The following GSE1 variants were observed in gnomAD, a reference collection of about 807,000 sequenced individuals.
The protein encoded by GSE1 is Gse1 coiled-coil protein.
A neutral mutation model predicts 112.6 loss-of-function variants in GSE1; 32 were observed. That is an observed-to-expected ratio of 0.28 (90% CI 0.21 to 0.38). The LOEUF (loss-of-function observed/expected upper bound fraction) is 0.38. GSE1 is among the 10% of genes least tolerant of loss of function. The pLI is 1.00. For missense variants in GSE1, 2,348 were observed against 1,699.2 expected, an observed-to-expected ratio of 1.38 and a Z score of -6.71; for synonymous variants, 1,115 against 735.6, an observed-to-expected ratio of 1.52 and a Z score of -8.35.
At chr16:85,505,357 C>T (rs959187894) in intron 2 of GSE1, among the ~76,000 whole-genome samples, 3 of 152,226 alleles carry the variant, frequency 2.0e-5, no homozygotes, top group African/African-American at 7.2e-5. Flanking sequence ...GGAGGCCTTC[C>T]ACACATGCCC....
At chr16:85,275,254 C>G (rs1909241037) in intron 1 of GSE1, among the ~76,000 whole-genome samples, 1 of 152,214 alleles carries the variant, frequency 6.6e-6, no homozygotes, top group African/African-American at 2.4e-5. Context: ...CCTGCTAGGA[C>G]AGCCAGCCAG....
chr16:85,445,327 G>A (rs1384413839), intron 2 of GSE1, among the ~76,000 whole-genome samples: 1 of 152,198 alleles, frequency 6.6e-6, no homozygotes, highest in African/African-American at 2.4e-5. Flanking sequence ...CTGCTCCAGC[G>A]AACCCCCCCA....
intron 8 of GSE1, among the ~76,000 whole-genome samples, chr16:85,659,909 G>A (rs2052292515): frequency 6.6e-6 from 1 of 152,236 alleles, no homozygotes; most frequent in African/African-American, 2.4e-5. Context: ...CAGTGGGGTC[G>A]CTGCAGTTGT....
At chr16:85,555,388 C>A (rs1384477010), upstream of GSE1, 21 of 916,628 alleles carry the variant, frequency 2.3e-5, no homozygotes, top group Admixed American at 1.3e-4. Context: ...GGGAGATAAC[C>A]AAAAAAGGGG....
chr16:85,667,550 T>C (rs183747308), intron 13 of GSE1, among the ~76,000 whole-genome samples: 7 of 152,304 alleles, frequency 4.6e-5, no homozygotes, highest in Admixed American at 3.9e-4. Flanking sequence ...GGGCTGACTA[T>C]AGACCAAGCT....
intron 9 of GSE1, chr16:85,662,703 C>A: frequency 2.2e-6 from 1 of 452,430 alleles, no homozygotes; most frequent in Non-Finnish European, 4.0e-6. Flanking sequence ...ATGAATGGTT[C>A]CCTGCCAGGG....
At chr16:85,658,659 G>A (rs557551733) in intron 8 of GSE1, among the ~76,000 whole-genome samples, 21 of 152,282 alleles carry the variant, frequency 1.4e-4, no homozygotes, top group African/African-American at 3.6e-4. Context: ...CGGCACGGCC[G>A]AAGTGAGATC....
Position 85,657,488 on chromosome 16 carries a change from G to A in GSE1, c.1524G>A (p.Lys508=). ...LARQRRLRQE[K]EDRQSQVSEF... is the part of the protein sequence containing the mutation. ...GGCAGCGGCGGCTGCGGCAGGAGAAGGAGGACCGGCAGTCTCAGGTGTCCG... is the reference window on the plus strand; with the variant it reads ...GGCAGCGGCGGCTGCGGCAGGAGAAAGAGGACCGGCAGTCTCAGGTGTCCG... Residue 508 remains lysine, a synonymous_variant, in exon 8 of 16, where the codon AAG becomes AAA. Coordinates refer to ENST00000253458, the MANE Select transcript of GSE1 (RefSeq NM_014615.5). 6.2e-7 allele frequency: 1 copy of A among 1,607,446 alleles called. No individual in the cohort carries two copies.
chr16:85,211,474 C>T (rs574975783), intron 1 of GSE1, among the ~76,000 whole-genome samples: 17 of 152,334 alleles, frequency 1.1e-4, no homozygotes, highest in African/African-American at 3.1e-4. Flanking sequence ...GCCACTGCCG[C>T]GCTGTGTCAC....
chr16:85,651,378 C>G (rs1044312768), intron 3 of GSE1, among the ~76,000 whole-genome samples: 3 of 152,096 alleles, frequency 2.0e-5, no homozygotes, highest in African/African-American at 7.2e-5. Flanking sequence ...TCTGGCTCGC[C>G]GGGCCCCTGC....
At chr16:85,332,459 G>C (rs924689431) in intron 1 of GSE1, among the ~76,000 whole-genome samples, 4 of 152,188 alleles carry the variant, frequency 2.6e-5, no homozygotes, top group African/African-American at 9.7e-5. Context: ...GGTGGCAGAG[G>C]CTCAGGGAGG....
At chr16:85,581,619 C>T (rs999365590) in intron 1 of GSE1, among the ~76,000 whole-genome samples, 3 of 152,168 alleles carry the variant, frequency 2.0e-5, no homozygotes, top group African/African-American at 4.8e-5. Flanking sequence ...TCTGTGCATG[C>T]GCATGTGCAT....
At chr16:85,444,378 G>C (rs963230693) in intron 2 of GSE1, among the ~76,000 whole-genome samples, 1 of 152,184 alleles carries the variant, frequency 6.6e-6, no homozygotes, top group Non-Finnish European at 1.5e-5. Context: ...CCAGGGAGGC[G>C]AGAGAGATGG....
At chr16:85,255,016 C>T (rs13334768) in intron 1 of GSE1, among the ~76,000 whole-genome samples, 9,711 of 152,238 alleles carry the variant, frequency 0.064, 994 homozygotes, top group African/African-American at 0.22. Flanking sequence ...CCACCTCTGC[C>T]GCGGGCGGTC....
chr16:85,257,221 G>A (rs893762718), intron 1 of GSE1, among the ~76,000 whole-genome samples: 1 of 152,194 alleles, frequency 6.6e-6, no homozygotes, highest in African/African-American at 2.4e-5. Flanking sequence ...CGATTCGCCT[G>A]CTTCATCCTC....
intron 6 of GSE1, 44 bp downstream of exon 6, chr16:85,655,961 C>T: frequency 6.7e-7 from 1 of 1,485,726 alleles, no homozygotes; most frequent in South Asian, 1.2e-5. Context: ...CCTCCCTGTC[C>T]CTTGATGGCA....
At chr16:85,584,871 G>A (rs2046615508) in intron 1 of GSE1, among the ~76,000 whole-genome samples, 1 of 152,084 alleles carries the variant, frequency 6.6e-6, no homozygotes, top group African/African-American at 2.4e-5. Context: ...AGGCTGCCAA[G>A]ACCCTCGCCC....
chr16:85,581,307 G>C (rs2046439299), intron 1 of GSE1, among the ~76,000 whole-genome samples: 1 of 152,178 alleles, frequency 6.6e-6, no homozygotes, highest in South Asian at 2.1e-4. Flanking sequence ...AATGAGGAAG[G>C]TTGGCAGCTT....
chr16:85,324,520 A>AG (rs1567688271), intron 1 of GSE1, among the ~76,000 whole-genome samples: 1 of 152,046 alleles, frequency 6.6e-6, no homozygotes, highest in Non-Finnish European at 1.5e-5. Flanking sequence ...AAAAAAAAAA[A>AG]AAAAAAGAAA....
Sources: gnomAD v4.1 joint callset for allele counts (sites outside exome capture counted in the v4.1 genomes callset) on GRCh38, gnomAD v4.1.1 for gene constraint, MANE v1.5 for transcripts, NCBI Gene and HGNC (gene_info 2026-07-23, HGNC 2026-07-21) for gene names.